The following NAP1L1 variants were observed in gnomAD, a reference collection of about 807,000 sequenced individuals.
NAP1L1 encodes the protein nucleosome assembly protein 1-like 1.
In NAP1L1, 9 loss-of-function variants were observed where a neutral mutation model predicts 58.9. The ratio of observed to expected loss-of-function variants is 0.15; its 90% CI spans 0.09 to 0.27. The LOEUF (loss-of-function observed/expected upper bound fraction) is 0.27, where lower values mean the gene tolerates loss of function less well. Ranked by LOEUF, NAP1L1 falls within the 10% of genes least tolerant of loss-of-function variation. NAP1L1 has a pLI of 1.00. For synonymous variants in NAP1L1, 130 were observed against 138.3 expected (o/e 0.94, Z 0.42); for missense variants, 302 against 458.8 (o/e 0.66, Z 3.12).
rs1592619974 is a variant in NAP1L1, at chr12:76,053,472, T to A, written c.771-122A>T. On this transcript the variant is annotated intron_variant, in intron 9 of 14. Transcript: ENST00000618691. ...AGGGTGAATTGCTTCAAATGTTTTC[T>A]ATAGCAGTATAAAGGGAAAAATTTT... 1.1e-5 allele frequency: 13 copies of A among 1,187,542 alleles called. No homozygotes were observed. In the East Asian group the frequency reaches 2.9e-4, roughly 26 times the overall value. 73.6% of individuals were successfully genotyped at this position (1,187,542 alleles called of 1,614,324 possible).
At chr12:76,067,977 G>A (rs895759294) in intron 3 of NAP1L1, among the ~76,000 whole-genome samples, 8 of 152,172 alleles carry the variant, frequency 5.3e-5, no homozygotes, top group African/African-American at 1.9e-4. Context: ...TAATAGTTGG[G>A]ACAGTCAAAG....
chr12:76,062,381 A>G (rs956806665), intron 4 of NAP1L1, among the ~76,000 whole-genome samples: 4 of 152,188 alleles, frequency 2.6e-5, no homozygotes, highest in Non-Finnish European at 5.9e-5. Context: ...CTCCCCAAAT[A>G]TTCATTATTA....
intron 14 of NAP1L1, chr12:76,048,863 T>A: frequency 2.4e-6 from 1 of 411,462 alleles, no homozygotes; most frequent in East Asian, 4.4e-5. Flanking sequence ...GCTCCCCAGT[T>A]CCCGAACACT....
intron 9 of NAP1L1, 118 bp from the exon 10 acceptor site, chr12:76,053,468 T>C (rs1446014332): frequency 3.3e-6 from 4 of 1,222,840 alleles, no homozygotes. Context: ...CTTCAAATGT[T>C]TTCTATAGCA....
At chr12:76,062,466 G>C (rs540889562) in intron 4 of NAP1L1, among the ~76,000 whole-genome samples, 1 of 152,154 alleles carries the variant, frequency 6.6e-6, no homozygotes, top group African/African-American at 2.4e-5. Context: ...TTCTATGAAA[G>C]AGTGAATGAA....
intron 6 of NAP1L1, chr12:76,058,137 T>C: frequency 1.4e-6 from 1 of 694,216 alleles, no homozygotes; most frequent in African/African-American, 1.8e-5. Context: ...TTTGAAAATT[T>C]GTCTGTAGTT....
intron 1 of NAP1L1, 86 bp from the exon 2 acceptor site, chr12:76,074,325 A>C: frequency 2.1e-6 from 3 of 1,401,272 alleles, no homozygotes; most frequent in East Asian, 5.6e-5. Context: ...AATCAATACC[A>C]TACTGAAAAC....
chr12:76,072,671 AG>A (rs1950010378), intron 2 of NAP1L1, among the ~76,000 whole-genome samples: 1 of 152,214 alleles, frequency 6.6e-6, no homozygotes, highest in Non-Finnish European at 1.5e-5. Flanking sequence ...ATGTATATAT[AG>A]TGTAAATGTA....
Position 76,074,187 on chromosome 12 carries a change from A to G in NAP1L1, c.17+16T>C. 1 of 1,588,828 alleles carries G rather than the reference A, an allele frequency of 6.3e-7. No homozygotes were observed. Among genetic ancestry groups the G allele is most frequent in the Non-Finnish European group, 8.6e-7 (1 of 1,160,394 alleles). ...ATGCCAAATCTCTGAAAAAGAACCAACTCTCTGCCACTTACTTGTCAATGT... is the reference window on the plus strand; with the variant it reads ...ATGCCAAATCTCTGAAAAAGAACCAGCTCTCTGCCACTTACTTGTCAATGT... On this transcript the variant is annotated intron_variant, in intron 2 of 14. Coordinates refer to ENST00000618691, the MANE Select transcript of NAP1L1 (RefSeq NM_004537.7).
At chr12:76,067,517 G>T (rs1424069839) in intron 3 of NAP1L1, 44 bp from the exon 4 acceptor site, 6 of 1,476,616 alleles carry the variant, frequency 4.1e-6, no homozygotes, top group African/African-American at 1.4e-5. Context: ...TTATGAAAAT[G>T]TATTATGCTT....
At chr12:76,056,422 T>G in intron 6 of NAP1L1, 1 of 380,988 alleles carries the variant, frequency 2.6e-6, no homozygotes. Context: ...AAAAACTAAT[T>G]AAAAATGAAG....
At chr12:76,049,601 T>A in intron 13 of NAP1L1, 155 bp downstream of exon 13, 1 of 1,510,536 alleles carries the variant, frequency 6.6e-7, no homozygotes, top group Non-Finnish European at 8.9e-7. Context: ...ACCTTATACA[T>A]ACATTGTTTG....
chr12:76,076,364 G>C (rs1950168595), intron 1 of NAP1L1, among the ~76,000 whole-genome samples: 1 of 151,936 alleles, frequency 6.6e-6, no homozygotes, highest in Non-Finnish European at 1.5e-5. Context: ...AATTAAATCT[G>C]ATCTTGACAA....
chr12:76,058,221 A>G lies in NAP1L1; in HGVS notation c.429+1577T>C, dbSNP rs1413825963. On this transcript the variant is annotated intron_variant, in intron 6 of 14. Transcript: ENST00000618691. ...TATATATATATATATATATATATAT[A>G]TATGTATTCTACAGTAAAACTGTAG... 3.2e-4 allele frequency: 63 copies of G among 197,010 alleles called. 10 individuals carry two copies. The highest frequency in any genetic ancestry group is 2.5e-3 in the East Asian group (25 of 10,158). The allele number at this position is 197,010 out of a possible 1,614,324, so 12.2% of individuals were successfully genotyped here.
chr12:76,053,951 A>C, intron 8 of NAP1L1, 42 bp from the exon 9 acceptor site: 1 of 1,568,542 alleles, frequency 6.4e-7, no homozygotes, highest in Non-Finnish European at 8.6e-7. Context: ...TACCTACCTC[A>C]CATATTTCAG....
Position 76,074,010 on chromosome 12 carries a change from A to T in NAP1L1, c.17+193T>A, listed in dbSNP as rs184027620. 6.8e-3 allele frequency: 3,416 copies of T among 500,118 alleles called. 28 individuals carry two copies. Among genetic ancestry groups the T allele is most frequent in the Admixed American group, 0.017 (458 of 27,578 alleles). The allele number at this position is 500,118 out of a possible 1,614,324, so 31.0% of individuals were successfully genotyped here. On this transcript the variant is annotated intron_variant, in intron 2 of 14. Coordinates refer to ENST00000618691, the MANE Select transcript of NAP1L1 (RefSeq NM_004537.7). Reference sequence around the variant, plus strand: ...TAGTATATACGATGGTTTCGAATATATGATCATAAATATGCTAATGATCAT... The same window carrying T: ...TAGTATATACGATGGTTTCGAATATTTGATCATAAATATGCTAATGATCAT...
At chr12:76,072,575 G>A (rs1592688304) in intron 2 of NAP1L1, among the ~76,000 whole-genome samples, 1 of 152,146 alleles carries the variant, frequency 6.6e-6, no homozygotes, top group African/African-American at 2.4e-5. Context: ...TGCACTGAAA[G>A]GGTCCACCAC....
intron 4 of NAP1L1, among the ~76,000 whole-genome samples, chr12:76,066,503 T>A (rs1203833107): frequency 1.3e-5 from 2 of 150,054 alleles, no homozygotes; most frequent in African/African-American, 2.5e-5. Flanking sequence ...AACAAGAAAG[T>A]GGAAAAAGGG....
At chr12:76,050,749 C>T in intron 11 of NAP1L1, 96 bp from the exon 12 acceptor site, 1 of 1,345,350 alleles carries the variant, frequency 7.4e-7, no homozygotes. Context: ...TGTGATGGCT[C>T]ACAACTGTAG....
Sources: allele counts gnomAD v4.1 joint callset (sites outside exome capture counted in the v4.1 genomes callset), GRCh38; gene constraint gnomAD v4.1.1; transcripts MANE v1.5; gene names NCBI Gene and HGNC (gene_info 2026-07-23, HGNC 2026-07-21).